Variants in STXBP5 observed in about 807,000 individuals in gnomAD.
STXBP5 encodes syntaxin-binding protein 5.
Under a neutral mutation model 152.4 loss-of-function variants are expected in STXBP5, and 50 were observed. The ratio of observed to expected loss-of-function variants is 0.33; its 90% CI spans 0.26 to 0.42. The LOEUF (loss-of-function observed/expected upper bound fraction) is 0.42. Among genes scored for constraint, STXBP5 ranks in the 10% least tolerant of loss-of-function variants. The pLI, the probability that STXBP5 is intolerant of heterozygous loss-of-function variation, is 1.00. For missense variants in STXBP5, 1,167 were observed against 1,388.6 expected, an observed-to-expected ratio of 0.84 and a Z score of 2.54; for synonymous variants, 492 against 494.7, an observed-to-expected ratio of 0.99 and a Z score of 0.07.
chr6:147,304,918 G>C (rs1365632897), intron 9 of STXBP5, among the ~76,000 whole-genome samples: 3 of 152,138 alleles, frequency 2.0e-5, no homozygotes, highest in African/African-American at 7.2e-5. Flanking sequence ...TATCCCCATT[G>C]TATCTAGCTA....
intron 3 of STXBP5, among the ~76,000 whole-genome samples, chr6:147,237,077 G>T (rs555360031): frequency 6.6e-6 from 1 of 151,862 alleles, no homozygotes; most frequent in Non-Finnish European, 1.5e-5. Flanking sequence ...CGCCTGACCT[G>T]TTCTTCATTT....
At position 147,275,549 on chromosome 6, in the gene STXBP5, C is replaced by CTT. The variant is rs71031021; in HGVS notation, c.715-2507_715-2506dup. On this transcript the variant is annotated intron_variant, in intron 7 of 27. Coordinates refer to ENST00000321680, the MANE Select transcript of STXBP5 (RefSeq NM_001127715.4). ...AGGTTTTTTTAAACAAGTAAATATT[C>CTT]TTTTTTTTTTTTTTTTTTTTTTTTT... Among the ~76,000 whole-genome samples the CTT allele has an allele frequency of 4.3e-4, 28 of 64,482 alleles. 1 individual carries two copies. The highest frequency in any genetic ancestry group is 5.6e-4 in the Non-Finnish European group (20 of 35,598). 42.3% of individuals were successfully genotyped at this position (64,482 alleles called of 152,430 possible). A position where few individuals can be genotyped will look rare whatever the true frequency, so the allele number is the denominator to read the frequency against.
intron 25 of STXBP5, among the ~76,000 whole-genome samples, chr6:147,373,090 G>A (rs190656320): frequency 2.6e-5 from 4 of 151,890 alleles, no homozygotes; most frequent in Non-Finnish European, 5.9e-5. Context: ...CTTCTTTCTG[G>A]CTGGGCATGG....
chr6:147,320,448 A>G (rs528081051), intron 16 of STXBP5, among the ~76,000 whole-genome samples: 2 of 152,190 alleles, frequency 1.3e-5, no homozygotes, highest in South Asian at 2.1e-4. Context: ...TAGGGACTCT[A>G]CCATTCCTGG....
intron 21 of STXBP5, chr6:147,351,891 G>A (rs757278526): frequency 2.0e-6 from 2 of 985,198 alleles, no homozygotes; most frequent in East Asian, 1.1e-4. Flanking sequence ...TTATGGACTA[G>A]CAGGGTCTGT....
At chr6:147,297,553 G>A (rs541032999) in intron 9 of STXBP5, among the ~76,000 whole-genome samples, 66 of 152,106 alleles carry the variant, frequency 4.3e-4, no homozygotes, top group African/African-American at 1.4e-3. Context: ...AATCAAACTC[G>A]TAATACTACA....
intron 9 of STXBP5, among the ~76,000 whole-genome samples, chr6:147,295,198 T>C (rs1781455620): frequency 6.6e-6 from 1 of 152,246 alleles, no homozygotes; most frequent in Non-Finnish European, 1.5e-5. Flanking sequence ...TAGTAGACTA[T>C]ATAAGAAGGT....
chr6:147,280,467 C>T (rs1780650441), intron 8 of STXBP5, among the ~76,000 whole-genome samples: 4 of 152,060 alleles, frequency 2.6e-5, no homozygotes. Context: ...TTTCTTTTTA[C>T]TTTTGAAATT....
chr6:147,325,916 T>G (rs1323693988), intron 17 of STXBP5, among the ~76,000 whole-genome samples: 1 of 152,144 alleles, frequency 6.6e-6, no homozygotes, highest in Non-Finnish European at 1.5e-5. Context: ...TAAAAAAAAT[T>G]TTTAAATACA....
Position 147,389,831 on chromosome 6 carries a change from A to T in STXBP5, c.*5076A>T, listed in dbSNP as rs568465473. The T allele has an allele frequency of 5.3e-5, 8 of 149,662 alleles. No homozygotes were observed. Among genetic ancestry groups the T allele is most frequent in the African/African-American group, 1.5e-4 (6 of 40,602 alleles). The allele number at this position is 149,662 out of a possible 1,614,324, so 9.3% of individuals were successfully genotyped here. On this transcript the variant is annotated 3_prime_UTR_variant, in exon 28 of 28. Coordinates refer to ENST00000321680, the MANE Select transcript of STXBP5 (RefSeq NM_001127715.4). Reference sequence around the variant, plus strand: ...GGTAAATCTTGTTTTAATTTTTTTAACTTTTTTTTTTTGTAAATAAATAGT... The same window carrying T: ...GGTAAATCTTGTTTTAATTTTTTTATCTTTTTTTTTTTGTAAATAAATAGT...
intron 26 of STXBP5, among the ~76,000 whole-genome samples, chr6:147,376,469 T>A (rs559901819): frequency 2.1e-4 from 32 of 152,174 alleles, no homozygotes; most frequent in Non-Finnish European, 4.0e-4. Flanking sequence ...ATAATGGTAA[T>A]AAATGTAGGC....
chr6:147,384,824 A>G lies in STXBP5; in HGVS notation c.*69A>G. 3 of 1,488,644 alleles carry G rather than the reference A, an allele frequency of 2.0e-6. No homozygotes were observed. The highest frequency in any genetic ancestry group is 2.8e-6 in the Non-Finnish European group (3 of 1,076,182). 92.2% of individuals were successfully genotyped at this position (1,488,644 alleles called of 1,614,324 possible). On this transcript the variant is annotated 3_prime_UTR_variant, in exon 28 of 28. Coordinates refer to ENST00000321680, the MANE Select transcript of STXBP5 (RefSeq NM_001127715.4). ...GTTTTCCATTTTTATTACATTCTTT[A>G]GGAAAGTTAACGTTAAAGGGATGTT...
intron 22 of STXBP5, among the ~76,000 whole-genome samples, 172 bp from the exon 23 acceptor site, chr6:147,358,912 T>C (rs1200607270): frequency 1.3e-5 from 2 of 152,128 alleles, no homozygotes; most frequent in Non-Finnish European, 2.9e-5. Flanking sequence ...AGTGGACTTG[T>C]GTAGTTCAAA....
At position 147,353,512 on chromosome 6, in the gene STXBP5, T is replaced by G. The variant is rs181509699; in HGVS notation, c.2305+139T>G. The G allele has an allele frequency of 1.5e-4, 74 of 496,034 alleles. 1 individual carries two copies. The Middle Eastern group carries it at 1.6e-3, about 11-fold the overall frequency. 30.7% of individuals were successfully genotyped at this position (496,034 alleles called of 1,614,324 possible). On this transcript the variant is annotated intron_variant, in intron 22 of 27. Transcript: ENST00000321680. The stretch of plus-strand genomic sequence containing the variant: ...AAGATGCTTAAGGTTTAAACATTCT[T>G]TGGAATAGTCTTTAGAATGCTATCT...
chr6:147,262,800 TAG>T (rs1779705446), intron 6 of STXBP5, among the ~76,000 whole-genome samples: 1 of 150,240 alleles, frequency 6.7e-6, no homozygotes, highest in African/African-American at 2.5e-5. Context: ...ATTAATAATG[TAG>T]AGTTTTTTTT....
At chr6:147,371,767 C>G (rs549452518) in intron 25 of STXBP5, among the ~76,000 whole-genome samples, 1 of 152,052 alleles carries the variant, frequency 6.6e-6, no homozygotes, top group Non-Finnish European at 1.5e-5. Context: ...ATAAGAAATG[C>G]AAACTGTAAT....
intron 2 of STXBP5, among the ~76,000 whole-genome samples, chr6:147,227,748 T>A (rs144515051): frequency 7.5e-4 from 114 of 152,340 alleles, no homozygotes; most frequent in Non-Finnish European, 1.4e-3. Flanking sequence ...GTAATTAATA[T>A]AAACTTTTAG....
At chr6:147,288,359 G>T (rs1402208925) in intron 8 of STXBP5, among the ~76,000 whole-genome samples, 1 of 152,142 alleles carries the variant, frequency 6.6e-6, no homozygotes, top group African/African-American at 2.4e-5. Flanking sequence ...CTCTCTGTTG[G>T]CTGATACTAC....
Position 147,239,214 on chromosome 6 carries a change from G to T in STXBP5, c.375G>T (p.Trp125Cys). Residue 125 changes from tryptophan to cysteine, a missense_variant, in exon 4 of 28, where the codon TGG becomes TGT. By Grantham distance (215) the Trp-to-Cys change is radical. Coordinates refer to ENST00000321680, the MANE Select transcript of STXBP5 (RefSeq NM_001127715.4). ...SALADDTLHL[W>C]NLRQKRPAIL... Reference sequence around the variant, plus strand: ...TGGCTGATGACACCTTACACTTATGGAATTTACGTCAGAAGAGGCCTGCCA... The same window carrying T: ...TGGCTGATGACACCTTACACTTATGTAATTTACGTCAGAAGAGGCCTGCCA... The T allele has an allele frequency of 6.2e-7, 1 of 1,613,652 alleles. No homozygotes were observed. Among genetic ancestry groups the T allele is most frequent in the Non-Finnish European group, 8.5e-7 (1 of 1,179,788 alleles).
Sources: gnomAD v4.1 joint callset for allele counts (sites outside exome capture counted in the v4.1 genomes callset) on GRCh38, gnomAD v4.1.1 for gene constraint, MANE v1.5 for transcripts, NCBI Gene and HGNC (gene_info 2026-07-23, HGNC 2026-07-21) for gene names.